TUT7: variants seen among roughly 807,000 people sequenced by gnomAD.
TUT7 encodes terminal uridylyltransferase 7.
In TUT7, 33 loss-of-function variants were observed where a neutral mutation model predicts 165.9. That is an observed-to-expected ratio of 0.20 (90% confidence interval 0.15 to 0.27). TUT7 has a LOEUF of 0.27. Among genes scored for constraint, TUT7 ranks in the 10% least tolerant of loss-of-function variants. The pLI, the probability that TUT7 is intolerant of heterozygous loss-of-function variation, is 1.00. For missense variants in TUT7, 1,338 were observed against 1,762.3 expected (o/e 0.76, Z 4.31); for synonymous variants, 552 against 608.1 (o/e 0.91, Z 1.36).
rs570447200 is a variant in TUT7 at position 86,316,446 on chromosome 9, C to G, written c.3274+773G>C. Among the ~76,000 whole-genome samples the G allele has an allele frequency of 5.3e-5, 8 of 152,206 alleles. No individual in the cohort carries two copies. The East Asian group carries it at 1.4e-3, about 26-fold the overall frequency. On this transcript the variant is annotated intron_variant, in intron 17 of 26. Coordinates refer to ENST00000375963, the MANE Select transcript of TUT7 (RefSeq NM_024617.4). ...GATCCCATTTCTTAAAAAAAGAGATCGCTTCAAGTGAAGGACTTGTTCAGG... is the reference window on the plus strand; with the variant it reads ...GATCCCATTTCTTAAAAAAAGAGATGGCTTCAAGTGAAGGACTTGTTCAGG...
At chr9:86,337,767 T>TA (rs1480572081) in intron 9 of TUT7, among the ~76,000 whole-genome samples, 2 of 152,244 alleles carry the variant, frequency 1.3e-5, no homozygotes, top group Admixed American at 1.3e-4. Context: ...CTGTTAACCA[T>TA]ACTCACTTGT....
In TUT7 at chr9:86,288,605, T is replaced by G. The variant is rs907124278; in HGVS notation, c.*72A>C. On this transcript the variant is annotated 3_prime_UTR_variant, in exon 27 of 27. Transcript: ENST00000375963. ...GCCTGATCTACACTGCTGTGTCCTG[T>G]GAAATGAACCTAATTTTCCGAGTGA... 8.3e-7 allele frequency: 1 copy of G among 1,201,002 alleles called. No homozygotes were observed. Among genetic ancestry groups the G allele is most frequent in the Non-Finnish European group, 1.2e-6 (1 of 809,256 alleles). The allele number at this position is 1,201,002 out of a possible 1,614,324, so 74.4% of individuals were successfully genotyped here. A position where few individuals can be genotyped will look rare whatever the true frequency, so the allele number is the denominator to read the frequency against.
intron 12 of TUT7, chr9:86,324,298 G>A (rs1426257313): frequency 6.0e-6 from 1 of 166,778 alleles, no homozygotes; most frequent in East Asian, 1.8e-4. Flanking sequence ...TTCCCACCAG[G>A]CTCTGCTGCT....
At chr9:86,303,041 T>A (rs772967811) in intron 25 of TUT7, 45 bp downstream of exon 25, 1 of 907,232 alleles carries the variant, frequency 1.1e-6, no homozygotes, top group Non-Finnish European at 1.7e-6. Flanking sequence ...AATTGGGACA[T>A]TAAGAAAATA....
At position 86,309,424 on chromosome 9, in the gene TUT7, A is replaced by G. The variant is rs577852360; in HGVS notation, c.3582+39T>C. 29 of 1,548,484 alleles carry G rather than the reference A, an allele frequency of 1.9e-5. 1 individual carries two copies. The Middle Eastern group carries it at 8.5e-4, about 45-fold the overall frequency. ...GGAGGAGAAAGGCTCAGAGATCACC[A>G]GTTTTCCAGATAAGAAATACAATTT... On this transcript the variant is annotated intron_variant, in intron 20 of 26. Transcript: ENST00000375963.
intron 10 of TUT7, among the ~76,000 whole-genome samples, chr9:86,333,313 G>C (rs1026851024): frequency 6.6e-6 from 1 of 152,066 alleles, no homozygotes; most frequent in African/African-American, 2.4e-5. Flanking sequence ...TCAGTCATTA[G>C]TCCTTCTACT....
At chr9:86,289,490 C>T (rs1825752724) in intron 26 of TUT7, among the ~76,000 whole-genome samples, 1 of 152,128 alleles carries the variant, frequency 6.6e-6, no homozygotes, top group Non-Finnish European at 1.5e-5. Flanking sequence ...CACACCATAT[C>T]CTTCTTCTCT....
chr9:86,303,791 A>T (rs979837030), intron 24 of TUT7, among the ~76,000 whole-genome samples: 13 of 152,164 alleles, frequency 8.5e-5, no homozygotes, highest in African/African-American at 3.1e-4. Context: ...CTGATCCTAG[A>T]CCTGCTGAAT....
chr9:86,353,212 C>G lies in TUT7; in HGVS notation c.-13G>C, dbSNP rs1428091731. 1 of 1,542,582 alleles carries G rather than the reference C, an allele frequency of 6.5e-7. No individual in the cohort carries two copies. The highest frequency in any genetic ancestry group is 1.3e-5 in the South Asian group (1 of 79,180). On this transcript the variant is annotated 5_prime_UTR_variant, in exon 2 of 27. Coordinates refer to ENST00000375963, the MANE Select transcript of TUT7 (RefSeq NM_024617.4). ...CTGTATCTCCCATGGTCTTTGACTT[C>G]AATTTTCTTACTTTGCACCTGAAAG...
intron 15 of TUT7, 36 bp from the exon 16 acceptor site, chr9:86,319,094 C>CT: frequency 6.9e-7 from 1 of 1,451,914 alleles, no homozygotes. Flanking sequence ...AACTAATTAC[C>CT]TGAGTACATT....
In TUT7 at chr9:86,323,956, G is replaced by A; in HGVS notation, c.1794C>T (p.Pro598=). The change falls in exon 13 of 27, where the codon CCC becomes CCT. Residue 598 remains proline (P), a synonymous_variant. Transcript: ENST00000375963. ...TTGCCACATTTCTTTTAACAGAGTA[G>A]GGATCTGTAATAAAAAAAAGAAAGA... ...WPKKRIAIED[P]YSVKRNVART... 6.5e-7 allele frequency: 1 copy of A among 1,547,292 alleles called. No individual in the cohort carries two copies. The highest frequency in any genetic ancestry group is 8.7e-7 in the Non-Finnish European group (1 of 1,145,512).
intron 5 of TUT7, among the ~76,000 whole-genome samples, chr9:86,344,677 G>C (rs1325146847): frequency 6.7e-6 from 1 of 149,554 alleles, no homozygotes; most frequent in Non-Finnish European, 1.5e-5. Context: ...CAATTTAGAT[G>C]AGCGGAAAGG....
chr9:86,306,396 T>C (rs1587876755), intron 22 of TUT7, among the ~76,000 whole-genome samples: 1 of 152,366 alleles, frequency 6.6e-6, no homozygotes, highest in Non-Finnish European at 1.5e-5. Flanking sequence ...TATGAGAAGG[T>C]TACCTTCATC....
At chr9:86,345,617 A>G in intron 4 of TUT7, 52 bp downstream of exon 4, 3 of 1,286,616 alleles carry the variant, frequency 2.3e-6, no homozygotes, top group Non-Finnish European at 3.4e-6. Context: ...AAAGATGACA[A>G]GTAATAACAA....
intron 12 of TUT7, among the ~76,000 whole-genome samples, chr9:86,324,933 T>C (rs1255884838): frequency 1.3e-5 from 2 of 152,174 alleles, no homozygotes; most frequent in Non-Finnish European, 2.9e-5. Flanking sequence ...CGAGAAAAAG[T>C]ATTGTCCTCA....
At chr9:86,307,458 G>T (rs758380714) in intron 22 of TUT7, among the ~76,000 whole-genome samples, 21 of 152,070 alleles carry the variant, frequency 1.4e-4, no homozygotes, top group Non-Finnish European at 1.9e-4. Flanking sequence ...TTTTAATACT[G>T]CCAATAGGCA....
chr9:86,307,294 C>A (rs1360889227), intron 22 of TUT7, among the ~76,000 whole-genome samples: 3 of 151,784 alleles, frequency 2.0e-5, no homozygotes, highest in African/African-American at 7.3e-5. Flanking sequence ...AAAGGAATAC[C>A]TTAATAAGTG....
At chr9:86,332,312 G>T (rs776113135) in intron 10 of TUT7, among the ~76,000 whole-genome samples, 6 of 152,112 alleles carry the variant, frequency 3.9e-5, no homozygotes, top group Non-Finnish European at 5.9e-5. Context: ...TGACACACTG[G>T]ATAAAGAAAA....
intron 26 of TUT7, among the ~76,000 whole-genome samples, chr9:86,290,048 G>A (rs555332877): frequency 6.6e-6 from 1 of 152,236 alleles, no homozygotes; most frequent in African/African-American, 2.4e-5. Flanking sequence ...TGTATTTGGT[G>A]CCTCATTTTC....
Sources: gnomAD v4.1 joint callset for allele counts (sites outside exome capture counted in the v4.1 genomes callset) on GRCh38, gnomAD v4.1.1 for gene constraint, MANE v1.5 for transcripts, NCBI Gene and HGNC (gene_info 2026-07-23, HGNC 2026-07-21) for gene names.